The following ZWILCH variants were observed in gnomAD, a reference collection of about 807,000 sequenced individuals.
The protein encoded by ZWILCH is protein zwilch homolog.
Under a neutral mutation model 79.9 loss-of-function variants are expected in ZWILCH, and 74 were observed. The ratio of observed to expected loss-of-function variants is 0.93; its 90% CI spans 0.77 to 1.12. ZWILCH has a LOEUF of 1.12. Ranked by LOEUF, ZWILCH falls within the 50% of genes most tolerant of loss-of-function variation. The pLI is 0.00. For missense variants in ZWILCH, 694 were observed against 687.5 expected (o/e 1.01, Z -0.11); for synonymous variants, 241 against 228.2 (o/e 1.06, Z -0.51).
chr15:66,517,430 G>GTGTGTGTGTGTGTGTGTGTA, intron 4 of ZWILCH, among the ~76,000 whole-genome samples: 3 of 66,526 alleles, frequency 4.5e-5, no homozygotes. Flanking sequence ...GTGTGTGTGT[G>GTGTGTGTGTGTGTGTGTGTA]TATATATATA....
chr15:66,528,187 T>C (rs954426888), intron 10 of ZWILCH, among the ~76,000 whole-genome samples: 1 of 152,238 alleles, frequency 6.6e-6, no homozygotes, highest in African/African-American at 2.4e-5. Flanking sequence ...CACTGCAGCT[T>C]TGACCTCCAG....
At chr15:66,512,870 A>G (rs1453629183) in intron 2 of ZWILCH, among the ~76,000 whole-genome samples, 1 of 152,178 alleles carries the variant, frequency 6.6e-6, no homozygotes, top group African/African-American at 2.4e-5. Flanking sequence ...ATCTTGGCCC[A>G]CTGCAAGCTC....
At chr15:66,543,386 T>C (rs899093718) in intron 17 of ZWILCH, among the ~76,000 whole-genome samples, 5 of 152,110 alleles carry the variant, frequency 3.3e-5, no homozygotes, top group Admixed American at 6.5e-5. Flanking sequence ...AGCCATGAGA[T>C]GTGGAATGGT....
chr15:66,506,372 C>T (rs896729462), intron 1 of ZWILCH, among the ~76,000 whole-genome samples: 10 of 152,112 alleles, frequency 6.6e-5, no homozygotes, highest in Admixed American at 1.3e-4. Context: ...GCTGTTTCAT[C>T]TTTATTTAAG....
intron 1 of ZWILCH, among the ~76,000 whole-genome samples, chr15:66,507,671 T>G (rs1320380567): frequency 6.6e-6 from 1 of 152,204 alleles, no homozygotes; most frequent in Non-Finnish European, 1.5e-5. Flanking sequence ...TGTTTGATAT[T>G]CTCAGCATCT....
chr15:66,506,861 CT>C (rs545920806), intron 1 of ZWILCH, among the ~76,000 whole-genome samples: 2,947 of 140,098 alleles, frequency 0.021, 74 homozygotes, highest in African/African-American at 0.064. Context: ...TATTTAGACC[CT>C]TTTTTTTTTT....
In ZWILCH at chr15:66,505,335, C is replaced by T. The variant is rs780137639; in HGVS notation, c.-4C>T. On this transcript the variant is annotated 5_prime_UTR_variant, in exon 1 of 19. Transcript: ENST00000307897. Reference sequence around the variant, plus strand: ...TTCCGGTACCGCTCTCACATTGGGGCGGGATGTGGGAGCGGCTGAACTGCG... The same window carrying T: ...TTCCGGTACCGCTCTCACATTGGGGTGGGATGTGGGAGCGGCTGAACTGCG... 4.3e-6 allele frequency: 7 copies of T among 1,613,548 alleles called. No homozygotes were observed. The African/African-American group carries it at 8.0e-5, about 18-fold the overall frequency.
chr15:66,509,871 C>A (rs867666420), intron 2 of ZWILCH, among the ~76,000 whole-genome samples: 921 of 72,226 alleles, frequency 0.013, 19 homozygotes, highest in Non-Finnish European at 0.021. Context: ...ATATATATAT[C>A]TCTTAAAAAT....
intron 2 of ZWILCH, among the ~76,000 whole-genome samples, chr15:66,509,763 G>T (rs1235177928): frequency 2.3e-5 from 3 of 130,738 alleles, no homozygotes; most frequent in Non-Finnish European, 3.5e-5. Context: ...AGCTGGGGGT[G>T]GGGGGAATAC....
intron 4 of ZWILCH, among the ~76,000 whole-genome samples, chr15:66,518,607 G>A (rs1014357479): frequency 6.6e-6 from 1 of 152,318 alleles, no homozygotes; most frequent in Non-Finnish European, 1.5e-5. Context: ...GAGGCAAGTA[G>A]TTTGAGACCA....
At chr15:66,523,622 T>C (rs1174746613) in intron 7 of ZWILCH, 55 bp from the exon 8 acceptor site, 9 of 1,121,982 alleles carry the variant, frequency 8.0e-6, no homozygotes, top group South Asian at 5.2e-5. Flanking sequence ...ATAACACTTA[T>C]GTAGAGAAGG....
At chr15:66,509,481 ATGT>A (rs1893948579) in intron 2 of ZWILCH, among the ~76,000 whole-genome samples, 1 of 152,136 alleles carries the variant, frequency 6.6e-6, no homozygotes, top group African/African-American at 2.4e-5. Flanking sequence ...AGATTCATCT[ATGT>A]TGTTGTGAGT....
chr15:66,522,864 C>A (rs1195012564), intron 7 of ZWILCH, among the ~76,000 whole-genome samples: 2 of 151,956 alleles, frequency 1.3e-5, no homozygotes, highest in South Asian at 2.1e-4. Flanking sequence ...TTACTGTCAC[C>A]CAGGCTGGAG....
At chr15:66,518,520 A>G (rs2140759830) in intron 4 of ZWILCH, among the ~76,000 whole-genome samples, 1 of 152,230 alleles carries the variant, frequency 6.6e-6, no homozygotes, top group East Asian at 1.9e-4. Flanking sequence ...ATCTTTTTAA[A>G]AGAAAATTCT....
chr15:66,546,555 T>TA (rs747843926), intron 17 of ZWILCH, 36 bp from the exon 18 acceptor site: 1 of 1,469,552 alleles, frequency 6.8e-7, no homozygotes, highest in Admixed American at 1.8e-5. Flanking sequence ...AGCAGGGTGT[T>TA]AAGCAATTCT....
At chr15:66,515,385 C>T (rs1894213598) in intron 3 of ZWILCH, 141 bp from the exon 4 acceptor site, 4 of 609,564 alleles carry the variant, frequency 6.6e-6, no homozygotes. Context: ...CTATTCTTGC[C>T]AAAACCCAAT....
In ZWILCH at chr15:66,544,726, G is replaced by GTGTGTGTA. The variant is rs1895312171; in HGVS notation, c.1688-1858_1688-1857insATGTGTGT. ...TTTTTTTGTTGTTTTTTTGGTTTTT[G>GTGTGTGTA]TGTGTGTGTGTGTGTGTGTGTGTGT... On this transcript the variant is annotated intron_variant, in intron 17 of 18. Coordinates refer to ENST00000307897, the MANE Select transcript of ZWILCH (RefSeq NM_017975.5). 9.1e-5 allele frequency among the ~76,000 whole-genome samples: 8 copies of GTGTGTGTA among 88,090 alleles called. No homozygotes were observed. The South Asian group carries it at 3.3e-3, about 37-fold the overall frequency. The allele number at this position is 88,090 out of a possible 152,430, so 57.8% of individuals were successfully genotyped here.
intron 2 of ZWILCH, 115 bp from the exon 3 acceptor site, chr15:66,513,873 G>A: frequency 1.3e-6 from 1 of 754,014 alleles, no homozygotes. Context: ...GCCCGGCCGA[G>A]ACTCTGTCTC....
At chr15:66,539,050 A>G (rs1036983310) in intron 16 of ZWILCH, among the ~76,000 whole-genome samples, 1 of 152,138 alleles carries the variant, frequency 6.6e-6, no homozygotes, top group Non-Finnish European at 1.5e-5. Context: ...TAGCAGTTCA[A>G]ACTCTAAAGC....
Sources: allele counts gnomAD v4.1 joint callset (sites outside exome capture counted in the v4.1 genomes callset), GRCh38; gene constraint gnomAD v4.1.1; transcripts MANE v1.5; gene names NCBI Gene and HGNC (gene_info 2026-07-23, HGNC 2026-07-21).